NRG1: variants seen among roughly 807,000 people sequenced by gnomAD.
NRG1 encodes the protein neuregulin 1, also known as pro-neuregulin-1, membrane-bound isoform.
A neutral mutation model predicts 63.8 loss-of-function variants in NRG1; 18 were observed. That is an observed-to-expected ratio of 0.28 (90% CI 0.19 to 0.42). The LOEUF is 0.42. Ranked by LOEUF, NRG1 falls within the 10% of genes least tolerant of loss-of-function variation. NRG1 has a pLI of 1.00. For synonymous variants in NRG1, 302 were observed against 301.3 expected (o/e 1.00, Z -0.02); for missense variants, 762 against 814.7 (o/e 0.94, Z 0.79).
chr8:32,568,868 T>C (rs1837967112), intron 1 of NRG1, among the ~76,000 whole-genome samples: 1 of 151,990 alleles, frequency 6.6e-6, no homozygotes, highest in Non-Finnish European at 1.5e-5. Context: ...AATATCTTGT[T>C]AGTACAGAGA....
chr8:32,592,561 A>C (rs1324373634), intron 1 of NRG1, among the ~76,000 whole-genome samples: 1 of 152,140 alleles, frequency 6.6e-6, no homozygotes, highest in Admixed American at 6.6e-5. Flanking sequence ...CAAAACCCCT[A>C]ATACAGAAAT....
chr8:31,961,619 A>C (rs327406), intron 1 of NRG1, among the ~76,000 whole-genome samples: 128,741 of 152,118 alleles, frequency 0.85, 55,341 homozygotes, highest in African/African-American at 0.96. Context: ...TGTATTTTTA[A>C]CCAATGCTAG....
intron 5 of NRG1, among the ~76,000 whole-genome samples, chr8:32,677,668 A>G (rs1418604968): frequency 3.3e-5 from 5 of 152,148 alleles, no homozygotes; most frequent in Admixed American, 3.3e-4. Flanking sequence ...AAAAAAAAGA[A>G]AAAAATTATT....
intron 1 of NRG1, among the ~76,000 whole-genome samples, chr8:31,714,346 G>A (rs1236152930): frequency 6.6e-6 from 1 of 151,942 alleles, no homozygotes; most frequent in Non-Finnish European, 1.5e-5. Context: ...TTTTGTATTG[G>A]TGGTCATGTA....
At chr8:32,130,036 T>G (rs1400683965) in intron 1 of NRG1, among the ~76,000 whole-genome samples, 1 of 151,968 alleles carries the variant, frequency 6.6e-6, no homozygotes, top group South Asian at 2.1e-4. Flanking sequence ...GTAAGAACTC[T>G]GAGGTTAGTA....
At chr8:32,134,185 AT>A (rs1156557771) in intron 1 of NRG1, among the ~76,000 whole-genome samples, 4 of 152,082 alleles carry the variant, frequency 2.6e-5, no homozygotes, top group East Asian at 1.9e-4. Flanking sequence ...AGACACTAAA[AT>A]TTTTTTTAAA....
At chr8:31,962,229 A>T (rs571272295) in intron 1 of NRG1, among the ~76,000 whole-genome samples, 1 of 152,340 alleles carries the variant, frequency 6.6e-6, no homozygotes, top group East Asian at 1.9e-4. Flanking sequence ...AATTGTCTAC[A>T]GAAAACAACC....
chr8:31,796,356 G>A (rs1011056882), intron 1 of NRG1, among the ~76,000 whole-genome samples: 4 of 147,476 alleles, frequency 2.7e-5, no homozygotes, highest in African/African-American at 7.4e-5. Context: ...AAAACAAAGC[G>A]GCGGGGAGTT....
At chr8:32,542,798 T>A (rs1832706300) in intron 1 of NRG1, among the ~76,000 whole-genome samples, 1 of 152,258 alleles carries the variant, frequency 6.6e-6, no homozygotes, top group South Asian at 2.1e-4. Context: ...CTGACTACAG[T>A]ATGTGGCAAG....
At chr8:32,054,873 T>C in intron 1 of NRG1, among the ~76,000 whole-genome samples, 1 of 22,618 alleles carries the variant, frequency 4.4e-5, no homozygotes, top group African/African-American at 1.5e-4. Flanking sequence ...CTTTTTTTTT[T>C]TTTTTTTTTT....
chr8:32,640,651 C>CAA (rs1852208957), intron 5 of NRG1, among the ~76,000 whole-genome samples: 1 of 151,832 alleles, frequency 6.6e-6, no homozygotes, highest in African/African-American at 2.4e-5. Context: ...CACACACACA[C>CAA]ACACACACAC....
chr8:31,651,728 A>G (rs1325659931), intron 1 of NRG1, among the ~76,000 whole-genome samples: 4 of 152,246 alleles, frequency 2.6e-5, no homozygotes, highest in Middle Eastern at 3.4e-3. Flanking sequence ...ATGAAGAGGT[A>G]TTGGCAGCTC....
intron 1 of NRG1, among the ~76,000 whole-genome samples, chr8:31,701,585 A>G (rs1810637944): frequency 6.6e-6 from 1 of 152,058 alleles, no homozygotes; most frequent in Admixed American, 6.6e-5. Context: ...TATAGTAAGG[A>G]TGGAGAGGTA....
At chr8:32,477,204 A>G (rs2129492098) in intron 1 of NRG1, among the ~76,000 whole-genome samples, 1 of 152,324 alleles carries the variant, frequency 6.6e-6, no homozygotes, top group Non-Finnish European at 1.5e-5. Flanking sequence ...TACACAAGGA[A>G]AGAACAAAGC....
chr8:32,223,070 A>C (rs1161011015), intron 1 of NRG1, among the ~76,000 whole-genome samples: 1 of 152,242 alleles, frequency 6.6e-6, no homozygotes, highest in Non-Finnish European at 1.5e-5. Flanking sequence ...GACAGGAAAA[A>C]ATACAACAAA....
In NRG1 at chr8:32,585,360, C is replaced by T. The variant is rs533066202; in HGVS notation, c.101-10468C>T. Among the ~76,000 whole-genome samples the T allele has an allele frequency of 7.2e-3, 1,098 of 152,164 alleles. 15 individuals are homozygous for T. Among genetic ancestry groups the T allele is most frequent in the African/African-American group, 0.025 (1,030 of 41,528 alleles). On this transcript the variant is annotated intron_variant, in intron 1 of 11. Transcript: ENST00000356819. ...GAAGCTTGCTGGACATCTTTATGTCCGAGAGTGAGATGTTCTTATAATTAG... is the reference window on the plus strand; with the variant it reads ...GAAGCTTGCTGGACATCTTTATGTCTGAGAGTGAGATGTTCTTATAATTAG...
intron 1 of NRG1, among the ~76,000 whole-genome samples, chr8:32,176,921 G>C (rs1267315487): frequency 2.0e-5 from 3 of 152,118 alleles, no homozygotes; most frequent in Admixed American, 1.3e-4. Context: ...TCAGTGTGGC[G>C]ATTCCTCAGG....
chr8:31,659,431 G>A (rs955551061), intron 1 of NRG1, among the ~76,000 whole-genome samples: 3 of 152,160 alleles, frequency 2.0e-5, no homozygotes, highest in Non-Finnish European at 1.5e-5. Context: ...GCAACCATGC[G>A]ACAAGAGGTG....
intron 1 of NRG1, among the ~76,000 whole-genome samples, chr8:32,316,858 G>A (rs1170503940): frequency 6.6e-6 from 1 of 152,124 alleles, no homozygotes; most frequent in African/African-American, 2.4e-5. Context: ...ATGAATTAGT[G>A]TAATCAGCTG....
Sources: allele counts gnomAD v4.1 joint callset (sites outside exome capture counted in the v4.1 genomes callset), GRCh38; gene constraint gnomAD v4.1.1; transcripts MANE v1.5; gene names NCBI Gene and HGNC (gene_info 2026-07-23, HGNC 2026-07-21).